MAPDA: variants seen among roughly 807,000 people sequenced by gnomAD.
MAPDA encodes the protein N6-Methyl-AMP deaminase, also known as N6,N6-dimethyl-AMP deaminase.
the MAPDA span, chr15:43,345,712 A>T: frequency 1.0e-6 from 1 of 954,216 alleles, no homozygotes; most frequent in East Asian, 2.5e-5. Context: ...GTAAAATGTC[A>T]TGTTGTCTAG....
chr15:43,351,854 A>T, the MAPDA span: 1 of 1,551,704 alleles, frequency 6.4e-7, no homozygotes, highest in Non-Finnish European at 8.7e-7. Context: ...CTGTCTTATG[A>T]ATCCATCAAC....
chr15:43,334,425 C>T, the MAPDA span, among the ~76,000 whole-genome samples: 6 of 150,892 alleles, frequency 4.0e-5, no homozygotes, highest in African/African-American at 1.5e-4. Flanking sequence ...GTCAGGAGTT[C>T]GAGACCAGCC....
the MAPDA span, chr15:43,351,051 T>C: frequency 1.9e-6 from 3 of 1,550,320 alleles, no homozygotes; most frequent in Admixed American, 5.9e-5. Context: ...TGTAAGGTGT[T>C]CCGTGTGAAG....
the MAPDA span, chr15:43,333,193 T>G: frequency 6.6e-6 from 1 of 152,266 alleles, no homozygotes; most frequent in Non-Finnish European, 1.5e-5. Flanking sequence ...GTGGATCACT[T>G]GAGCCCAGGA....
At chr15:43,338,031 C>CCTG in the MAPDA span, among the ~76,000 whole-genome samples, 1 of 152,224 alleles carries the variant, frequency 6.6e-6, no homozygotes, top group East Asian at 1.9e-4. Context: ...CCACAGGGGC[C>CCTG]CTGGTCTCAC....
the MAPDA span, chr15:43,340,441 A>G: frequency 9.4e-7 from 1 of 1,059,360 alleles, no homozygotes; most frequent in Non-Finnish European, 1.4e-6. Context: ...ATGAAGCACT[A>G]ACTTTTATAC....
At chr15:43,349,894 C>G in the MAPDA span, among the ~76,000 whole-genome samples, 2 of 152,312 alleles carry the variant, frequency 1.3e-5, no homozygotes, top group African/African-American at 4.8e-5. Context: ...TGGCCTAGCT[C>G]TGCTCCCAAC....
the MAPDA span, chr15:43,333,381 A>C: frequency 6.6e-6 from 1 of 151,594 alleles, no homozygotes; most frequent in Non-Finnish European, 1.5e-5. Context: ...GTGACACTGC[A>C]CTCCAGCCTG....
chr15:43,341,150 G>A, the MAPDA span, among the ~76,000 whole-genome samples: 3 of 152,158 alleles, frequency 2.0e-5, no homozygotes, highest in African/African-American at 7.2e-5. Flanking sequence ...AAGAGACCTA[G>A]GTCATCTTGT....
the MAPDA span, chr15:43,335,607 G>A: frequency 7.3e-7 from 1 of 1,370,600 alleles, no homozygotes; most frequent in African/African-American, 1.5e-5. Flanking sequence ...TAAGCAGTTT[G>A]CCTATTGCAA....
At chr15:43,344,833 CAG>C in the MAPDA span, among the ~76,000 whole-genome samples, 28 of 148,112 alleles carry the variant, frequency 1.9e-4, no homozygotes, top group East Asian at 5.2e-3. Context: ...GAAATATTAA[CAG>C]AGATTCTCTG....
the MAPDA span, among the ~76,000 whole-genome samples, chr15:43,345,367 A>AG: frequency 7.2e-6 from 1 of 139,428 alleles, no homozygotes; most frequent in African/African-American, 3.1e-5. Flanking sequence ...AAAAAAAAAA[A>AG]AAAAATAGGA....
chr15:43,349,512 A>G, the MAPDA span: 3 of 244,048 alleles, frequency 1.2e-5, no homozygotes, highest in African/African-American at 4.6e-5. Flanking sequence ...GCAGTACACA[A>G]AACAGGCAAG....
At chr15:43,334,972 C>G in the MAPDA span, 14 of 726,094 alleles carry the variant, frequency 1.9e-5, no homozygotes, top group Non-Finnish European at 3.2e-5. Context: ...TCTACACATA[C>G]AGCTAATCTT....
chr15:43,331,254 T>C, the MAPDA span, among the ~76,000 whole-genome samples: 2 of 152,196 alleles, frequency 1.3e-5, no homozygotes, highest in African/African-American at 4.8e-5. Context: ...TTTAAAGTAG[T>C]GTTGAATATG....
At chr15:43,333,651 T>C in the MAPDA span, among the ~76,000 whole-genome samples, 1 of 152,216 alleles carries the variant, frequency 6.6e-6, no homozygotes, top group South Asian at 2.1e-4. Flanking sequence ...TTATTGTACA[T>C]TTTAATATCT....
chr15:43,336,600 G>T, the MAPDA span: 1 of 1,549,214 alleles, frequency 6.5e-7, no homozygotes, highest in Admixed American at 2.1e-5. Context: ...ACTAGATTAT[G>T]TTAAAACTTT....
the MAPDA span, among the ~76,000 whole-genome samples, chr15:43,341,171 A>G: frequency 6.6e-6 from 1 of 152,190 alleles, no homozygotes. Flanking sequence ...TTCCTGATAT[A>G]TGTAGCTCAG....
At chr15:43,348,075 A>C in the MAPDA span, among the ~76,000 whole-genome samples, 2 of 152,208 alleles carry the variant, frequency 1.3e-5, no homozygotes, top group Admixed American at 1.3e-4. Context: ...TCTTTACCTT[A>C]GTTTCTGTTG....
Sources: gnomAD v4.1 joint callset for allele counts (sites outside exome capture counted in the v4.1 genomes callset) on GRCh38, gnomAD v4.1.1 for gene constraint, MANE v1.5 for transcripts, NCBI Gene and HGNC (gene_info 2026-07-23, HGNC 2026-07-21) for gene names.